Variants in PEX5L observed in about 807,000 individuals in gnomAD.
PEX5L encodes PEX5-related protein.
PEX5L carries 30 observed loss-of-function variants against 84.0 expected under a neutral mutation model. The ratio of observed to expected loss-of-function variants is 0.36; its 90% CI spans 0.27 to 0.48. The LOEUF (loss-of-function observed/expected upper bound fraction) is 0.48, where lower values mean the gene tolerates loss of function less well. Among genes scored for constraint, PEX5L ranks in the 20% least tolerant of loss-of-function variants. The pLI is 0.99. For synonymous variants in PEX5L, 270 were observed against 283.1 expected (o/e 0.95, Z 0.46); for missense variants, 533 against 754.6 (o/e 0.71, Z 3.44).
chr3:179,957,432 T>C (rs760147707), intron 2 of PEX5L, among the ~76,000 whole-genome samples: 4 of 152,094 alleles, frequency 2.6e-5, no homozygotes, highest in Non-Finnish European at 4.4e-5. Flanking sequence ...CAGAGTCATG[T>C]CAGGTGAAAG....
chr3:179,976,207 G>T (rs1785772118), intron 1 of PEX5L, among the ~76,000 whole-genome samples: 1 of 152,198 alleles, frequency 6.6e-6, no homozygotes, highest in Non-Finnish European at 1.5e-5. Flanking sequence ...GTGGAATACA[G>T]TCAAAGGAAA....
intron 1 of PEX5L, among the ~76,000 whole-genome samples, chr3:180,018,449 G>A (rs185731222): frequency 1.3e-5 from 2 of 152,288 alleles, no homozygotes; most frequent in Admixed American, 6.5e-5. Flanking sequence ...CGGTGCCTTG[G>A]TTGGTGATAT....
At chr3:180,010,872 G>A (rs1246200103) in intron 1 of PEX5L, among the ~76,000 whole-genome samples, 3 of 151,936 alleles carry the variant, frequency 2.0e-5, no homozygotes, top group East Asian at 1.9e-4. Flanking sequence ...TTTTAAAAAC[G>A]TGCTTCTTGA....
intron 2 of PEX5L, among the ~76,000 whole-genome samples, chr3:179,943,713 C>A (rs1012925456): frequency 6.6e-6 from 1 of 152,176 alleles, no homozygotes; most frequent in African/African-American, 2.4e-5. Context: ...CCGCTGCTGT[C>A]ATTATATATG....
intron 1 of PEX5L, among the ~76,000 whole-genome samples, chr3:180,007,627 G>A (rs534520364): frequency 2.6e-5 from 4 of 152,340 alleles, no homozygotes; most frequent in African/African-American, 9.6e-5. Context: ...CTTTTGCCTG[G>A]GCATCCAGGC....
intron 1 of PEX5L, among the ~76,000 whole-genome samples, chr3:179,983,409 C>A (rs1055297339): frequency 1.3e-5 from 2 of 151,904 alleles, no homozygotes; most frequent in African/African-American, 4.8e-5. Flanking sequence ...GTATTGTCTG[C>A]AGAACCCTGA....
chr3:179,850,768 T>C (rs1741525279), intron 8 of PEX5L, among the ~76,000 whole-genome samples: 2 of 152,356 alleles, frequency 1.3e-5, no homozygotes, highest in African/African-American at 2.4e-5. Flanking sequence ...CCTTTTTGGA[T>C]ACTGAATCTA....
At chr3:179,874,495 T>A in intron 6 of PEX5L, 72 bp from the exon 7 acceptor site, 1 of 789,288 alleles carries the variant, frequency 1.3e-6, no homozygotes, top group Non-Finnish European at 2.1e-6. Flanking sequence ...GCCAAGAAAC[T>A]AGGTAATTTG....
At chr3:179,936,112 C>T (rs946095690) in intron 2 of PEX5L, among the ~76,000 whole-genome samples, 2 of 152,120 alleles carry the variant, frequency 1.3e-5, no homozygotes, top group African/African-American at 2.4e-5. Context: ...TAGCTGTCAT[C>T]GCAGTCCACT....
chr3:179,814,725 C>T (rs771582110), intron 10 of PEX5L, among the ~76,000 whole-genome samples: 1 of 152,166 alleles, frequency 6.6e-6, no homozygotes, highest in African/African-American at 2.4e-5. Context: ...TCTCTAATCA[C>T]TCTTCTCATC....
At chr3:179,906,503 C>T (rs1346891047) in intron 2 of PEX5L, among the ~76,000 whole-genome samples, 2 of 152,000 alleles carry the variant, frequency 1.3e-5, no homozygotes, top group Non-Finnish European at 2.9e-5. Flanking sequence ...TTGAGGCTGG[C>T]ATAAATAATA....
At chr3:179,844,870 A>G (rs1457827671) in intron 8 of PEX5L, among the ~76,000 whole-genome samples, 3 of 152,186 alleles carry the variant, frequency 2.0e-5, no homozygotes, top group Non-Finnish European at 2.9e-5. Context: ...AAATAAATGC[A>G]TCTTTCTCCA....
In PEX5L at chr3:179,805,794, C is replaced by T. The variant is rs1721077446; in HGVS notation, c.1676+1880G>A. Among the ~76,000 whole-genome samples the T allele has an allele frequency of 2.0e-5, 3 of 152,016 alleles. No individual in the cohort carries two copies. The South Asian group carries it at 6.2e-4, about 32-fold the overall frequency. On this transcript the variant is annotated intron_variant, in intron 14 of 14. Coordinates refer to ENST00000467460, the MANE Select transcript of PEX5L (RefSeq NM_016559.3). ...CTGCTTGAGGATTTAAAATTTACACCTTAACGGAGGTGGCCATTTTTACCT... is the reference window on the plus strand; with the variant it reads ...CTGCTTGAGGATTTAAAATTTACACTTTAACGGAGGTGGCCATTTTTACCT...
intron 8 of PEX5L, among the ~76,000 whole-genome samples, chr3:179,846,413 G>T (rs1739371888): frequency 6.6e-6 from 1 of 152,080 alleles, no homozygotes; most frequent in Admixed American, 6.5e-5. Context: ...GCCCTACTGT[G>T]CCATTCAACA....
At position 179,830,881 on chromosome 3, in the gene PEX5L, T is replaced by C. The variant is rs80200111; in HGVS notation, c.823-10905A>G. On this transcript the variant is annotated intron_variant, in intron 8 of 14. Coordinates refer to ENST00000467460, the MANE Select transcript of PEX5L (RefSeq NM_016559.3). ...CTGACAGACAAAGGGGAGGAGACTC[T>C]AGATGGACTGACATTCCTCCATTTT... Among the ~76,000 whole-genome samples, 667 of 152,298 alleles carry C rather than the reference T, an allele frequency of 4.4e-3. 7 individuals carry two copies. The highest frequency in any genetic ancestry group is 0.015 in the African/African-American group (634 of 41,556).
chr3:179,813,295 C>A (rs1724602808), intron 10 of PEX5L, among the ~76,000 whole-genome samples: 1 of 151,958 alleles, frequency 6.6e-6, no homozygotes, highest in African/African-American at 2.4e-5. Flanking sequence ...TACCACAGGC[C>A]CTCATTTTCT....
At chr3:179,821,128 CTG>C (rs1728373280) in intron 8 of PEX5L, among the ~76,000 whole-genome samples, 1 of 152,180 alleles carries the variant, frequency 6.6e-6, no homozygotes, top group African/African-American at 2.4e-5. Context: ...GGGGGAGACT[CTG>C]TCCTTGTTTT....
intron 2 of PEX5L, among the ~76,000 whole-genome samples, chr3:179,964,020 T>C (rs1782729608): frequency 6.6e-6 from 1 of 152,162 alleles, no homozygotes; most frequent in African/African-American, 2.4e-5. Flanking sequence ...GTAAATTGCA[T>C]GTCACGGGGA....
At chr3:179,980,193 GT>G (rs1415703086) in intron 1 of PEX5L, among the ~76,000 whole-genome samples, 1 of 152,030 alleles carries the variant, frequency 6.6e-6, no homozygotes, top group African/African-American at 2.4e-5. Flanking sequence ...TCAACCCAAA[GT>G]TTGTGCTTCG....
Sources: allele counts gnomAD v4.1 joint callset (sites outside exome capture counted in the v4.1 genomes callset), GRCh38; gene constraint gnomAD v4.1.1; transcripts MANE v1.5; gene names NCBI Gene and HGNC (gene_info 2026-07-23, HGNC 2026-07-21).